ADGRL3: variants seen among roughly 807,000 people sequenced by gnomAD.
ADGRL3 encodes the protein calcium-independent alpha-latrotoxin receptor 3.
A neutral mutation model predicts 153.5 loss-of-function variants in ADGRL3; 62 were observed. That is an observed-to-expected ratio of 0.40 (90% confidence interval 0.33 to 0.50). The LOEUF is 0.50. ADGRL3 is among the 20% of genes least tolerant of loss of function. The pLI, the probability that ADGRL3 is intolerant of heterozygous loss-of-function variation, is 0.47. For missense variants in ADGRL3, 1,641 were observed against 1,859.4 expected (o/e 0.88, Z 2.16); for synonymous variants, 710 against 672.5 (o/e 1.06, Z -0.86).
intron 5 of ADGRL3, among the ~76,000 whole-genome samples, chr4:61,603,617 C>T (rs574113597): frequency 2.0e-5 from 3 of 152,234 alleles, no homozygotes; most frequent in South Asian, 4.1e-4. Context: ...TTTTGGAATA[C>T]AGCACTTATA....
At chr4:61,860,064 T>G (rs1287164624) in intron 9 of ADGRL3, among the ~76,000 whole-genome samples, 1 of 152,208 alleles carries the variant, frequency 6.6e-6, no homozygotes, top group Non-Finnish European at 1.5e-5. Context: ...CAATGTTTAC[T>G]GTTTTGAAAC....
intron 15 of ADGRL3, among the ~76,000 whole-genome samples, chr4:61,937,687 C>G (rs1261705401): frequency 1.3e-5 from 2 of 152,106 alleles, no homozygotes; most frequent in Non-Finnish European, 2.9e-5. Context: ...TCCCTCCAGG[C>G]AGTAAGTTCC....
At chr4:61,903,905 A>G (rs1207844879) in intron 11 of ADGRL3, among the ~76,000 whole-genome samples, 1 of 151,772 alleles carries the variant, frequency 6.6e-6, no homozygotes, top group African/African-American at 2.4e-5. Flanking sequence ...CTCAAGTAGC[A>G]GGGACCACTG....
chr4:61,225,967 C>A (rs940085134), intron 1 of ADGRL3, among the ~76,000 whole-genome samples: 3 of 152,098 alleles, frequency 2.0e-5, no homozygotes, highest in Non-Finnish European at 4.4e-5. Context: ...TCTCTGAATT[C>A]TTTTGCTAAA....
chr4:61,783,531 A>G (rs906928651), intron 8 of ADGRL3, among the ~76,000 whole-genome samples: 3 of 152,106 alleles, frequency 2.0e-5, no homozygotes, highest in South Asian at 2.1e-4. Context: ...AAGCCTCTCA[A>G]TGAAGGTTCT....
chr4:61,888,409 G>A (rs1473625623), intron 9 of ADGRL3, among the ~76,000 whole-genome samples: 1 of 152,144 alleles, frequency 6.6e-6, no homozygotes, highest in Non-Finnish European at 1.5e-5. Context: ...AACTCTCATA[G>A]CCTATAATAT....
At chr4:62,066,181 A>G (rs1742901283) in intron 25 of ADGRL3, among the ~76,000 whole-genome samples, 1 of 152,048 alleles carries the variant, frequency 6.6e-6, no homozygotes, top group Non-Finnish European at 1.5e-5. Context: ...TCATATTGCT[A>G]CTAATCTTAT....
chr4:61,886,595 CCTTT>C (rs1177635559), intron 9 of ADGRL3, among the ~76,000 whole-genome samples: 3 of 108,532 alleles, frequency 2.8e-5, no homozygotes, highest in Admixed American at 2.1e-4. Context: ...AGAAGATAAA[CCTTT>C]CTTCTCTTGT....
At chr4:62,062,909 CTAA>C (rs1740965665) in intron 25 of ADGRL3, among the ~76,000 whole-genome samples, 1 of 152,014 alleles carries the variant, frequency 6.6e-6, no homozygotes, top group East Asian at 1.9e-4. Context: ...CCATGGTGTA[CTAA>C]TGAGTGATTA....
chr4:62,005,802 C>CAT (rs2151157610), intron 21 of ADGRL3, among the ~76,000 whole-genome samples: 1 of 150,994 alleles, frequency 6.6e-6, no homozygotes, highest in African/African-American at 2.4e-5. Context: ...ATGTTATTCA[C>CAT]ATATTTTAAT....
intron 18 of ADGRL3, among the ~76,000 whole-genome samples, chr4:61,981,685 CAT>C (rs33936681): frequency 0.17 from 25,930 of 152,100 alleles, 2,713 homozygotes; most frequent in East Asian, 0.43. Flanking sequence ...GATTTATGCA[CAT>C]GTTACAAGTT....
intron 21 of ADGRL3, among the ~76,000 whole-genome samples, chr4:62,003,921 T>C (rs2099148972): frequency 6.6e-6 from 1 of 152,124 alleles, no homozygotes; most frequent in African/African-American, 2.4e-5. Context: ...ACACCTGCCA[T>C]ATGCTAAGAA....
chr4:61,860,154 G>A (rs1195596445), intron 9 of ADGRL3, among the ~76,000 whole-genome samples: 5 of 152,084 alleles, frequency 3.3e-5, no homozygotes, highest in Non-Finnish European at 7.4e-5. Context: ...CTGGGCATTG[G>A]TAAAACCTTC....
intron 4 of ADGRL3, among the ~76,000 whole-genome samples, chr4:61,549,136 C>T (rs550814628): frequency 2.0e-5 from 3 of 151,938 alleles, no homozygotes; most frequent in African/African-American, 7.2e-5. Flanking sequence ...TGGCTCTCAG[C>T]TTGAATGTTG....
intron 2 of ADGRL3, among the ~76,000 whole-genome samples, chr4:61,388,350 G>A (rs559859817): frequency 6.6e-6 from 1 of 152,276 alleles, no homozygotes; most frequent in South Asian, 2.1e-4. Context: ...AGCCTCAAAA[G>A]GAAAGATGTG....
At chr4:62,051,185 TATATAC>T (rs1560555436) in intron 25 of ADGRL3, among the ~76,000 whole-genome samples, 9 of 140,484 alleles carry the variant, frequency 6.4e-5, no homozygotes, top group Middle Eastern at 3.5e-3. Flanking sequence ...TATATATATA[TATATAC>T]ATACATACAC....
intron 1 of ADGRL3, among the ~76,000 whole-genome samples, chr4:61,235,020 A>T (rs1752283279): frequency 6.6e-6 from 1 of 152,174 alleles, no homozygotes; most frequent in Non-Finnish European, 1.5e-5. Flanking sequence ...AAACCAACCA[A>T]ATAAGGTCCC....
intron 2 of ADGRL3, among the ~76,000 whole-genome samples, chr4:61,413,111 A>G (rs2152279286): frequency 6.6e-6 from 1 of 152,236 alleles, no homozygotes; most frequent in Non-Finnish European, 1.5e-5. Flanking sequence ...CTGCAGGTGG[A>G]GCTGATAGAA....
intron 17 of ADGRL3, among the ~76,000 whole-genome samples, chr4:61,970,934 T>A (rs2099024777): frequency 6.6e-6 from 1 of 152,046 alleles, no homozygotes; most frequent in Non-Finnish European, 1.5e-5. Context: ...TTCACAGAGT[T>A]CATGCCACGT....
Sources: allele counts gnomAD v4.1 joint callset (sites outside exome capture counted in the v4.1 genomes callset), GRCh38; gene constraint gnomAD v4.1.1; transcripts MANE v1.5; gene names NCBI Gene and HGNC (gene_info 2026-07-23, HGNC 2026-07-21).